Variants in CADPS2 observed in about 807,000 individuals in gnomAD.
The protein encoded by CADPS2 is calcium dependent secretion activator 2.
In CADPS2, 93 loss-of-function variants were observed where a neutral mutation model predicts 172.5. The observed-to-expected ratio is 0.54, with a 90% CI of 0.46 to 0.64. The LOEUF (loss-of-function observed/expected upper bound fraction) is 0.64, where lower values mean the gene tolerates loss of function less well. CADPS2 is among the 30% of genes least tolerant of loss of function. The pLI is 0.00. For synonymous variants in CADPS2, 546 were observed against 555.2 expected (o/e 0.98, Z 0.23); for missense variants, 1,420 against 1,565.9 (o/e 0.91, Z 1.57).
In CADPS2 at chr7:122,528,584, A is replaced by C. The variant is rs897813042; in HGVS notation, c.1476-15269T>G. Among the ~76,000 whole-genome samples, 7 of 152,138 alleles carry C rather than the reference A, an allele frequency of 4.6e-5. 1 individual carries two copies. In the East Asian group the frequency reaches 1.4e-3, roughly 29 times the overall value. ...AAGAATCCATGGGCAGTAAGGATGG[A>C]CTACATAGGACTAGATTTATATAAT... On this transcript the variant is annotated intron_variant, in intron 8 of 29. Transcript: ENST00000449022.
At chr7:122,485,261 G>A (rs1198917739) in intron 11 of CADPS2, among the ~76,000 whole-genome samples, 1 of 152,162 alleles carries the variant, frequency 6.6e-6, no homozygotes, top group African/African-American at 2.4e-5. Flanking sequence ...AGTGAGCAAG[G>A]CATGTCAAAA....
At chr7:122,468,441 T>A (rs2055454637) in intron 14 of CADPS2, among the ~76,000 whole-genome samples, 1 of 152,176 alleles carries the variant, frequency 6.6e-6, no homozygotes, top group South Asian at 2.1e-4. Context: ...AAATTAGGAA[T>A]ATAATTACAT....
At chr7:122,653,961 T>A (rs1335128273) in intron 3 of CADPS2, among the ~76,000 whole-genome samples, 2 of 152,180 alleles carry the variant, frequency 1.3e-5, no homozygotes, top group East Asian at 3.8e-4. Flanking sequence ...AACCCAATAA[T>A]GGCTTGTAAG....
chr7:122,392,964 G>C (rs1174294279), intron 22 of CADPS2, among the ~76,000 whole-genome samples: 2 of 151,750 alleles, frequency 1.3e-5, no homozygotes, highest in Non-Finnish European at 2.9e-5. Flanking sequence ...CTGTCCCACA[G>C]ATTATATATG....
chr7:122,515,423 C>T (rs914188995), intron 8 of CADPS2, among the ~76,000 whole-genome samples: 5 of 152,112 alleles, frequency 3.3e-5, no homozygotes, highest in African/African-American at 9.7e-5. Flanking sequence ...TTGAAATGCA[C>T]ATATCCAAGC....
In CADPS2 at chr7:122,490,100, G is replaced by A. The variant is rs781554680; in HGVS notation, c.1833C>T (p.Leu611=). 5.0e-6 allele frequency: 8 copies of A among 1,613,232 alleles called. No homozygotes were observed. The Admixed American group carries it at 6.7e-5, about 13-fold the overall frequency. The change falls in exon 11 of 30, where the codon CTC becomes CTT. Residue 611 remains leucine, a synonymous_variant. Transcript: ENST00000449022. ...ACTTACAAAGCTGAGCATCTGCATG[G>A]AGAGTTCCTCCTTTAGGATTCAGTT... is the stretch of plus-strand genomic sequence containing the variant. ...TQKLNPKGGT[L]HADAQLSGKD... is the part of the protein sequence containing the mutation.
chr7:122,573,160 TC>T (rs759815829), intron 7 of CADPS2, among the ~76,000 whole-genome samples: 12 of 152,082 alleles, frequency 7.9e-5, no homozygotes, highest in Non-Finnish European at 7.4e-5. Context: ...CACATTAGCA[TC>T]CCCTTGGAAG....
At position 122,886,390 on chromosome 7, in the gene CADPS2, C is replaced by A; in HGVS notation, c.-53G>T. The A allele has an allele frequency of 6.8e-7, 1 of 1,462,456 alleles. No homozygotes were observed. The highest frequency in any genetic ancestry group is 1.3e-5 in the South Asian group (1 of 75,772). 90.6% of individuals were successfully genotyped at this position (1,462,456 alleles called of 1,614,324 possible). ...CCGCGGTCCCCAAGCGCCTCACCCCCGGCGGCTGCGCCCGCGGGTCTGAGG... is the reference window on the plus strand; with the variant it reads ...CCGCGGTCCCCAAGCGCCTCACCCCAGGCGGCTGCGCCCGCGGGTCTGAGG... On this transcript the variant is annotated 5_prime_UTR_variant, in exon 1 of 30. Transcript: ENST00000449022.
intron 11 of CADPS2, among the ~76,000 whole-genome samples, chr7:122,485,014 G>T (rs578229078): frequency 6.6e-6 from 1 of 152,166 alleles, no homozygotes; most frequent in Non-Finnish European, 1.5e-5. Flanking sequence ...TGATATTATT[G>T]TAATTGTTTT....
chr7:122,402,084 CCTCA>C (rs756314915), intron 20 of CADPS2, among the ~76,000 whole-genome samples: 1 of 152,072 alleles, frequency 6.6e-6, no homozygotes, highest in Admixed American at 6.5e-5. Context: ...TTGAACCTTC[CCTCA>C]CTAATTAGTT....
At position 122,480,847 on chromosome 7, in the gene CADPS2, C is replaced by T. The variant is rs367996976; in HGVS notation, c.1861+5G>A. 11 of 1,517,116 alleles carry T rather than the reference C, an allele frequency of 7.3e-6. No homozygotes were observed. In the African/African-American group the frequency reaches 1.2e-4, roughly 17 times the overall value. The allele number at this position is 1,517,116 out of a possible 1,614,324, so 94.0% of individuals were successfully genotyped here. On this transcript the variant is annotated splice_donor_5th_base_variant and intron_variant, in intron 12 of 29. Transcript: ENST00000449022. ...TCTAATTTTAAAAATCATGAAAATACTTACCTTTACCAGCTACAGGTCAGC... is the reference window on the plus strand; with the variant it reads ...TCTAATTTTAAAAATCATGAAAATATTTACCTTTACCAGCTACAGGTCAGC...
At chr7:122,649,638 T>G (rs2078924588) in intron 3 of CADPS2, among the ~76,000 whole-genome samples, 1 of 152,124 alleles carries the variant, frequency 6.6e-6, no homozygotes, top group East Asian at 1.9e-4. Flanking sequence ...ATGCCAACTA[T>G]CCAATATAAA....
Position 122,318,689 on chromosome 7 carries a change from C to T in CADPS2, c.*1476G>A, listed in dbSNP as rs1563052171. 2 of 152,096 alleles carry T rather than the reference C, an allele frequency of 1.3e-5. No homozygotes were observed. The highest frequency in any genetic ancestry group is 4.8e-5 in the African/African-American group (2 of 41,404). The allele number at this position is 152,096 out of a possible 1,614,324, so 9.4% of individuals were successfully genotyped here. A position where few individuals can be genotyped will look rare whatever the true frequency, so the allele number is the denominator to read the frequency against. On this transcript the variant is annotated 3_prime_UTR_variant, in exon 30 of 30. Transcript: ENST00000449022. ...AATCCCGGAAGAAGGAAGAAATTTC[C>T]TTGTTTGTTATCTTAGCCCTAGGGC...
At chr7:122,456,143 G>C (rs537425339) in intron 14 of CADPS2, among the ~76,000 whole-genome samples, 2 of 152,098 alleles carry the variant, frequency 1.3e-5, no homozygotes, top group South Asian at 4.1e-4. Flanking sequence ...AATCTTTAGT[G>C]TTTAATTTTA....
At chr7:122,770,648 T>C (rs1292082817) in intron 1 of CADPS2, among the ~76,000 whole-genome samples, 1 of 152,174 alleles carries the variant, frequency 6.6e-6, no homozygotes, top group African/African-American at 2.4e-5. Flanking sequence ...ACAGCTTGCT[T>C]GGAGCAAATG....
intron 22 of CADPS2, among the ~76,000 whole-genome samples, chr7:122,390,273 G>C (rs1390626386): frequency 6.6e-6 from 1 of 151,912 alleles, no homozygotes; most frequent in East Asian, 1.9e-4. Flanking sequence ...TACAGTGAAA[G>C]TGTTGAAAAA....
intron 1 of CADPS2, among the ~76,000 whole-genome samples, chr7:122,821,157 T>C (rs557348705): frequency 2.0e-5 from 3 of 152,062 alleles, no homozygotes; most frequent in Non-Finnish European, 2.9e-5. Context: ...TGTATCTCTC[T>C]GATCCACCTT....
chr7:122,451,411 G>A lies in CADPS2; in HGVS notation c.2251C>T (p.Leu751Phe). Residue 751 changes from leucine (L) to phenylalanine (F), a missense_variant, in exon 15 of 30, where the codon CTC becomes TTC. Leu to Phe is a conservative substitution (Grantham distance 22, BLOSUM62 0). Transcript: ENST00000449022. ...ATCTGATTTTCTAAAAGGGAAGAGA[G>A]TCTCTCTTTTATCTCCTCAAATCTT... ...KERFEEIKER[L>F]SSLLENQISH... 2 of 1,571,046 alleles carry A rather than the reference G, an allele frequency of 1.3e-6. No individual in the cohort carries two copies. The highest frequency in any genetic ancestry group is 1.7e-6 in the Non-Finnish European group (2 of 1,156,082).
chr7:122,766,229 G>T (rs2093549098), intron 1 of CADPS2, among the ~76,000 whole-genome samples: 1 of 151,926 alleles, frequency 6.6e-6, no homozygotes, highest in African/African-American at 2.4e-5. Flanking sequence ...CACCCCCATG[G>T]ACCAAATATC....
Sources: gnomAD v4.1 joint callset for allele counts (sites outside exome capture counted in the v4.1 genomes callset) on GRCh38, gnomAD v4.1.1 for gene constraint, MANE v1.5 for transcripts, NCBI Gene and HGNC (gene_info 2026-07-23, HGNC 2026-07-21) for gene names.